PPP1R13B: variants seen among roughly 807,000 people sequenced by gnomAD.
PPP1R13B encodes the protein apoptosis-stimulating of p53 protein 1.
In PPP1R13B, 44 loss-of-function variants were observed where a neutral mutation model predicts 119.8. The observed-to-expected ratio is 0.37, with a 90% confidence interval of 0.29 to 0.47. The LOEUF (loss-of-function observed/expected upper bound fraction) is 0.47, where lower values mean the gene tolerates loss of function less well. Among genes scored for constraint, PPP1R13B ranks in the 20% least tolerant of loss-of-function variants. The pLI, the probability that PPP1R13B is intolerant of heterozygous loss-of-function variation, is 0.99. For synonymous variants in PPP1R13B, 542 were observed against 561.5 expected, an observed-to-expected ratio of 0.97 and a Z score of 0.49; for missense variants, 1,227 against 1,413.5, an observed-to-expected ratio of 0.87 and a Z score of 2.12.
chr14:103,758,186 T>A (rs1051654248), intron 4 of PPP1R13B, among the ~76,000 whole-genome samples: 3 of 152,202 alleles, frequency 2.0e-5, no homozygotes, highest in African/African-American at 7.2e-5. Context: ...TAACAGATTC[T>A]AATATATGAA....
intron 1 of PPP1R13B, among the ~76,000 whole-genome samples, chr14:103,844,313 C>T (rs1007563122): frequency 2.0e-5 from 3 of 151,028 alleles, no homozygotes; most frequent in South Asian, 2.1e-4. Context: ...GCACTTTGTA[C>T]GACAGCAAAT....
At chr14:103,786,987 C>G (rs1360231253) in intron 2 of PPP1R13B, among the ~76,000 whole-genome samples, 1 of 150,322 alleles carries the variant, frequency 6.7e-6, no homozygotes, top group Admixed American at 6.6e-5. Flanking sequence ...GGATTACGGG[C>G]GTGAGCCACC....
chr14:103,744,480 C>T (rs1595714148), intron 9 of PPP1R13B, among the ~76,000 whole-genome samples: 1 of 152,148 alleles, frequency 6.6e-6, no homozygotes, highest in African/African-American at 2.4e-5. Context: ...GGACAAATTA[C>T]GTTTGTGTGG....
chr14:103,775,297 CAG>C (rs1567113541), intron 4 of PPP1R13B, among the ~76,000 whole-genome samples: 1 of 147,864 alleles, frequency 6.8e-6, no homozygotes, highest in East Asian at 2.0e-4. Context: ...TTTTTGGAGA[CAG>C]AGTCTCGCTC....
chr14:103,778,096 C>T (rs2085250645), intron 4 of PPP1R13B, among the ~76,000 whole-genome samples: 1 of 151,098 alleles, frequency 6.6e-6, no homozygotes. Context: ...GGATTACAGG[C>T]GCCCACCACC....
chr14:103,735,223 C>G, intron 16 of PPP1R13B, 28 bp from the exon 17 acceptor site: 1 of 1,613,246 alleles, frequency 6.2e-7, no homozygotes, highest in East Asian at 2.2e-5. Context: ...CGCGTCAGGA[C>G]AGGAAGCCAC....
intron 3 of PPP1R13B, among the ~76,000 whole-genome samples, chr14:103,781,715 G>A (rs1397861141): frequency 2.6e-5 from 4 of 152,028 alleles, no homozygotes; most frequent in African/African-American, 4.8e-5. Flanking sequence ...GTAGTGGCGC[G>A]ATCTCAGCTC....
intron 1 of PPP1R13B, among the ~76,000 whole-genome samples, chr14:103,816,260 C>T (rs563353730): frequency 4.0e-4 from 60 of 150,900 alleles, no homozygotes; most frequent in Non-Finnish European, 6.8e-4. Flanking sequence ...CAGGTTCAAG[C>T]GATTCTCCTG....
chr14:103,789,271 T>A (rs1051875743), intron 2 of PPP1R13B, among the ~76,000 whole-genome samples: 1 of 152,012 alleles, frequency 6.6e-6, no homozygotes, highest in Non-Finnish European at 1.5e-5. Flanking sequence ...CAGGCTGGAG[T>A]GCACTGGCAT....
At chr14:103,754,049 G>T (rs1294341317) in intron 6 of PPP1R13B, 21 bp downstream of exon 6, 1 of 1,609,076 alleles carries the variant, frequency 6.2e-7, no homozygotes, top group East Asian at 2.2e-5. Flanking sequence ...GTGGTGTCGA[G>T]GGGGTGTTGC....
At chr14:103,747,181 G>C (rs1021900120) in intron 8 of PPP1R13B, 4 of 152,282 alleles carry the variant, frequency 2.6e-5, no homozygotes, top group Admixed American at 6.5e-5. Context: ...AGGGATTCTA[G>C]AGAACTACTG....
chr14:103,840,704 T>C (rs563465660), intron 1 of PPP1R13B, among the ~76,000 whole-genome samples: 2 of 151,478 alleles, frequency 1.3e-5, no homozygotes. Flanking sequence ...GGCAGGAAAA[T>C]TGCTTGAACC....
chr14:103,799,392 C>A (rs1178248035), intron 1 of PPP1R13B, among the ~76,000 whole-genome samples: 3 of 151,870 alleles, frequency 2.0e-5, no homozygotes, highest in Non-Finnish European at 4.4e-5. Context: ...GTTAGCCAGG[C>A]TGGTCTTGAA....
chr14:103,810,962 C>T (rs978447209), intron 1 of PPP1R13B, among the ~76,000 whole-genome samples: 6 of 150,242 alleles, frequency 4.0e-5, no homozygotes, highest in South Asian at 2.1e-4. Context: ...CATGGCAGTG[C>T]GTGCCTGTAA....
chr14:103,776,985 C>T (rs1047778452), intron 4 of PPP1R13B, among the ~76,000 whole-genome samples: 2 of 152,000 alleles, frequency 1.3e-5, no homozygotes, highest in East Asian at 3.9e-4. Context: ...ATTCTTTCAA[C>T]ATACACCAAC....
At position 103,738,523 on chromosome 14, in the gene PPP1R13B, G is replaced by A; in HGVS notation, c.2864+156C>T. 1.6e-6 allele frequency: 2 copies of A among 1,224,304 alleles called. No individual in the cohort carries two copies. Among genetic ancestry groups the A allele is most frequent in the Non-Finnish European group, 2.2e-6 (2 of 890,610 alleles). 75.8% of individuals were successfully genotyped at this position (1,224,304 alleles called of 1,614,324 possible). ...AGAAAAGGCTGGAAAAAAAGGCAAG[G>A]AAACCCTGGCAACAGCTGTCTTTCA... On this transcript the variant is annotated intron_variant, in intron 14 of 16. Transcript: ENST00000202556. This position sits in a 1 kb window ranked among gnomAD's most constrained non-coding sequence, Gnocchi z 5.6.
intron 1 of PPP1R13B, among the ~76,000 whole-genome samples, chr14:103,823,246 G>C (rs1391821471): frequency 1.3e-5 from 2 of 151,822 alleles, no homozygotes; most frequent in Non-Finnish European, 2.9e-5. Context: ...GGCTGAGGCA[G>C]GAGAATCGCT....
At chr14:103,830,282 G>C (rs2086639100) in intron 1 of PPP1R13B, among the ~76,000 whole-genome samples, 1 of 151,840 alleles carries the variant, frequency 6.6e-6, no homozygotes, top group African/African-American at 2.4e-5. Flanking sequence ...TTTTAGTACA[G>C]ATGAGGTTTC....
Position 103,735,177 on chromosome 14 carries a change from G to A in PPP1R13B, c.3250C>T (p.Pro1084Ser). The change falls in exon 17 of 17, where the codon CCC becomes TCC. Residue 1084 changes from proline to serine, a missense_variant. Transcript: ENST00000202556. ...NLLGLYPRIK[P>S]RQRTLA ...GTTCAGGCGAGTGTTCGCTGTCGGG[G>A]TTTGATCCGTGGATACAGCTGGGAA... is the stretch of plus-strand genomic sequence containing the variant. 6.2e-7 allele frequency: 1 copy of A among 1,614,136 alleles called. No homozygotes were observed. The highest frequency in any genetic ancestry group is 8.5e-7 in the Non-Finnish European group (1 of 1,180,022).
Sources: gnomAD v4.1 joint callset for allele counts (sites outside exome capture counted in the v4.1 genomes callset) on GRCh38, gnomAD v4.1.1 for gene constraint, Gnocchi (gnomAD v3.1) non-coding constraint, MANE v1.5 for transcripts, NCBI Gene and HGNC (gene_info 2026-07-23, HGNC 2026-07-21) for gene names.